The following CDH13 variants were observed in gnomAD, a reference collection of about 807,000 sequenced individuals.
CDH13 encodes cadherin 13, also known as cadherin-13.
CDH13 carries 24 observed loss-of-function variants against 63.8 expected under a neutral mutation model. The ratio of observed to expected loss-of-function variants is 0.38; its 90% CI spans 0.27 to 0.53. The LOEUF is 0.53. Ranked by LOEUF, CDH13 falls within the 20% of genes least tolerant of loss-of-function variation. CDH13 has a pLI of 0.85. For synonymous variants in CDH13, 503 were observed against 355.3 expected (o/e 1.42, Z -4.67); for missense variants, 1,049 against 903.1 (o/e 1.16, Z -2.07).
chr16:82,818,091 T>C (rs2037812439), intron 1 of CDH13, among the ~76,000 whole-genome samples: 2 of 150,924 alleles, frequency 1.3e-5, no homozygotes, highest in Admixed American at 6.7e-5. Context: ...TATATATGAA[T>C]GTATTCACTC....
At chr16:83,190,010 G>T (rs973089583) in intron 4 of CDH13, among the ~76,000 whole-genome samples, 6 of 152,136 alleles carry the variant, frequency 3.9e-5, no homozygotes, top group African/African-American at 1.4e-4. Flanking sequence ...GCATGATTGT[G>T]AGGCCTCCCC....
chr16:82,965,712 C>G (rs1180654904), intron 2 of CDH13, among the ~76,000 whole-genome samples: 1 of 152,138 alleles, frequency 6.6e-6, no homozygotes, highest in Non-Finnish European at 1.5e-5. Context: ...AGGCTGGTCT[C>G]AAACTACTGA....
chr16:82,753,239 G>C (rs2034488721), intron 1 of CDH13, among the ~76,000 whole-genome samples: 1 of 152,172 alleles, frequency 6.6e-6, no homozygotes, highest in Admixed American at 6.5e-5. Context: ...GAAGTACATG[G>C]ATGGCATCTC....
chr16:83,434,774 C>A (rs953285390), intron 6 of CDH13, among the ~76,000 whole-genome samples: 1 of 150,924 alleles, frequency 6.6e-6, no homozygotes, highest in East Asian at 1.9e-4. Flanking sequence ...CAAGGATATG[C>A]CCCAATTTCT....
At chr16:83,630,570 A>C (rs1910687490) in intron 8 of CDH13, among the ~76,000 whole-genome samples, 1 of 152,210 alleles carries the variant, frequency 6.6e-6, no homozygotes, top group Non-Finnish European at 1.5e-5. Context: ...GTAGAGGAAT[A>C]GTCACTTATG....
chr16:83,790,553 C>G (rs969973664), intron 13 of CDH13, among the ~76,000 whole-genome samples: 4 of 152,202 alleles, frequency 2.6e-5, no homozygotes, highest in African/African-American at 9.7e-5. Flanking sequence ...GCGCCCGCCA[C>G]CATGCCTGGC....
intron 4 of CDH13, among the ~76,000 whole-genome samples, chr16:83,165,111 C>G (rs2037608082): frequency 6.7e-6 from 1 of 149,406 alleles, no homozygotes; most frequent in African/African-American, 2.5e-5. Flanking sequence ...AAAATGTAGG[C>G]TAAGGGGTTG....
At chr16:83,495,319 A>C (rs2074110225) in intron 7 of CDH13, among the ~76,000 whole-genome samples, 1 of 152,204 alleles carries the variant, frequency 6.6e-6, no homozygotes, top group Admixed American at 6.5e-5. Context: ...AGGTGGATTC[A>C]AATATTTTGT....
intron 10 of CDH13, among the ~76,000 whole-genome samples, chr16:83,696,391 G>T (rs747409535): frequency 1.3e-5 from 2 of 152,036 alleles, no homozygotes; most frequent in Non-Finnish European, 2.9e-5. Context: ...TGTTCTTTGT[G>T]TCTGGGGCTT....
chr16:83,169,521 T>A (rs1268944643), intron 4 of CDH13, among the ~76,000 whole-genome samples: 1 of 151,634 alleles, frequency 6.6e-6, no homozygotes, highest in Non-Finnish European at 1.5e-5. Flanking sequence ...GATAAGGTAC[T>A]GTGGCCTTTT....
chr16:82,699,342 G>C (rs1015153637), intron 1 of CDH13, among the ~76,000 whole-genome samples: 1 of 152,166 alleles, frequency 6.6e-6, no homozygotes, highest in African/African-American at 2.4e-5. Context: ...CCGGTAGTAG[G>C]GAGTGCATTC....
At chr16:83,429,380 C>T (rs2072018781) in intron 6 of CDH13, among the ~76,000 whole-genome samples, 1 of 152,108 alleles carries the variant, frequency 6.6e-6, no homozygotes, top group African/African-American at 2.4e-5. Context: ...TTTGATGACC[C>T]ATCTTTAAGG....
chr16:82,638,420 A>G (rs937096016), intron 1 of CDH13, among the ~76,000 whole-genome samples: 7 of 152,206 alleles, frequency 4.6e-5, no homozygotes, highest in African/African-American at 1.7e-4. Context: ...CCCCTGTATT[A>G]AAACAACTGA....
intron 1 of CDH13, among the ~76,000 whole-genome samples, chr16:82,724,877 G>A (rs1187262352): frequency 6.6e-6 from 1 of 152,152 alleles, no homozygotes; most frequent in African/African-American, 2.4e-5. Context: ...GGATGTCCTT[G>A]GCTGGGTCAG....
At chr16:82,650,071 T>TA (rs1910549689) in intron 1 of CDH13, among the ~76,000 whole-genome samples, 2 of 152,142 alleles carry the variant, frequency 1.3e-5, no homozygotes, top group Non-Finnish European at 2.9e-5. Flanking sequence ...TAAAGAATGT[T>TA]CTCTGAGAAA....
chr16:83,280,701 C>T (rs1370544512), intron 5 of CDH13, among the ~76,000 whole-genome samples: 2 of 151,926 alleles, frequency 1.3e-5, no homozygotes, highest in Non-Finnish European at 2.9e-5. Flanking sequence ...TATTTCGTAT[C>T]TCATAAGCTA....
At chr16:83,284,880 A>T (rs889370576) in intron 5 of CDH13, among the ~76,000 whole-genome samples, 1 of 152,204 alleles carries the variant, frequency 6.6e-6, no homozygotes, top group African/African-American at 2.4e-5. Flanking sequence ...TAATAGGGAA[A>T]TGATTTTTGT....
intron 1 of CDH13, among the ~76,000 whole-genome samples, chr16:82,760,190 G>A (rs1001445782): frequency 4.6e-5 from 7 of 152,088 alleles, no homozygotes; most frequent in African/African-American, 1.7e-4. Flanking sequence ...GCATATCTGT[G>A]CCAGTTAGAC....
intron 3 of CDH13, among the ~76,000 whole-genome samples, chr16:83,072,129 G>A (rs1331670554): frequency 1.3e-5 from 2 of 152,024 alleles, no homozygotes; most frequent in African/African-American, 4.8e-5. Flanking sequence ...CATCTTTTTG[G>A]TACTTAGTTT....
Sources: allele counts gnomAD v4.1 joint callset (sites outside exome capture counted in the v4.1 genomes callset), GRCh38; gene constraint gnomAD v4.1.1; transcripts MANE v1.5; gene names NCBI Gene and HGNC (gene_info 2026-07-23, HGNC 2026-07-21).